Variants in KCNMA1 observed in about 807,000 individuals in gnomAD.
KCNMA1 encodes the protein Calcium-activated potassium channel subunit alpha-1.
Under a neutral mutation model 140.0 loss-of-function variants are expected in KCNMA1, and 29 were observed. The observed-to-expected ratio is 0.21, with a 90% CI of 0.15 to 0.28. KCNMA1 has a LOEUF of 0.28. KCNMA1 is among the 10% of genes least tolerant of loss of function. The probability of loss-of-function intolerance (pLI) is 1.00; values close to 1 mark genes in which losing one functional copy is unlikely to be tolerated. For missense variants in KCNMA1, 880 were observed against 1,602.2 expected, an observed-to-expected ratio of 0.55 and a Z score of 7.70; for synonymous variants, 612 against 611.9, an observed-to-expected ratio of 1.00 and a Z score of 0.00.
At position 77,574,055 on chromosome 10, in the gene KCNMA1, C is replaced by T. The variant is rs867830998; in HGVS notation, c.378+63210G>A. Among the ~76,000 whole-genome samples the T allele has an allele frequency of 5.3e-5, 8 of 151,992 alleles. No homozygotes were observed. The Middle Eastern group carries it at 0.014, about 258-fold the overall frequency. On this transcript the variant is annotated intron_variant, in intron 1 of 27. Transcript: ENST00000286628. ...TTCACCATGTTGGCCAGGCTGGTCTCGAACTCCTGGCCTGAAGCGATCCAC... is the reference window on the plus strand; with the variant it reads ...TTCACCATGTTGGCCAGGCTGGTCTTGAACTCCTGGCCTGAAGCGATCCAC...
chr10:77,150,287 C>T (rs1164559007), intron 5 of KCNMA1, among the ~76,000 whole-genome samples: 1 of 152,172 alleles, frequency 6.6e-6, no homozygotes, highest in East Asian at 1.9e-4. Context: ...TAGGCCAGCC[C>T]TGTCTTCCTT....
intron 5 of KCNMA1, among the ~76,000 whole-genome samples, chr10:77,175,078 G>C (rs1176558628): frequency 6.6e-6 from 1 of 152,124 alleles, no homozygotes; most frequent in Non-Finnish European, 1.5e-5. Flanking sequence ...TTAAAACACA[G>C]ACTGCTGGCT....
chr10:76,980,783 A>G (rs1245083761), intron 19 of KCNMA1, among the ~76,000 whole-genome samples: 1 of 152,158 alleles, frequency 6.6e-6, no homozygotes, highest in African/African-American at 2.4e-5. Flanking sequence ...CAAGTGTACC[A>G]TCCCCGAAAT....
At chr10:77,379,193 G>A (rs1413140987) in intron 2 of KCNMA1, among the ~76,000 whole-genome samples, 1 of 152,158 alleles carries the variant, frequency 6.6e-6, no homozygotes, top group East Asian at 1.9e-4. Flanking sequence ...CCTGCTTGAC[G>A]GAATTCTGAG....
intron 1 of KCNMA1, among the ~76,000 whole-genome samples, chr10:77,628,655 A>C (rs1057497729): frequency 1.5e-4 from 23 of 152,126 alleles, no homozygotes; most frequent in African/African-American, 5.6e-4. Flanking sequence ...ATCTCAAAAA[A>C]AAAAAAAAAT....
chr10:77,342,839 G>A (rs934365734), intron 2 of KCNMA1, among the ~76,000 whole-genome samples: 3 of 152,120 alleles, frequency 2.0e-5, no homozygotes, highest in African/African-American at 7.2e-5. Context: ...GAGCAGAGCC[G>A]AGCCCCATCA....
rs534790524 is a variant in KCNMA1, at chr10:76,901,233, A to T, written c.3147+8733T>A. On this transcript the variant is annotated intron_variant, in intron 25 of 27. Transcript: ENST00000286628. ...TTAGAAGGAAAGACACCAAAATATT[A>T]ACCATGCTTATCCTTGGTGTTGGAA... The T allele has an allele frequency of 3.3e-5, 5 of 152,292 alleles. No individual in the cohort carries two copies. The South Asian group carries it at 1.0e-3, about 32-fold the overall frequency. The allele number at this position is 152,292 out of a possible 1,614,324, so 9.4% of individuals were successfully genotyped here. A position where few individuals can be genotyped will look rare whatever the true frequency, so the allele number is the denominator to read the frequency against.
At chr10:77,098,554 T>C (rs2096999569) in intron 9 of KCNMA1, among the ~76,000 whole-genome samples, 1 of 151,000 alleles carries the variant, frequency 6.6e-6, no homozygotes, top group South Asian at 2.1e-4. Flanking sequence ...TTCATTGGAA[T>C]CTCTAAGGTA....
intron 23 of KCNMA1, among the ~76,000 whole-genome samples, chr10:76,934,104 C>T (rs11001937): frequency 0.031 from 4,766 of 152,156 alleles, 248 homozygotes; most frequent in African/African-American, 0.11. Flanking sequence ...TCTGGAGTAG[C>T]TGGGTCTACA....
intron 3 of KCNMA1, among the ~76,000 whole-genome samples, chr10:77,245,058 T>TG: frequency 6.6e-6 from 1 of 151,194 alleles, no homozygotes; most frequent in Non-Finnish European, 1.5e-5. Flanking sequence ...TGGAGAAAAC[T>TG]GGGGGGAGTA....
chr10:77,287,955 C>T (rs1349219950), intron 2 of KCNMA1, among the ~76,000 whole-genome samples: 3 of 152,228 alleles, frequency 2.0e-5, no homozygotes, highest in African/African-American at 7.2e-5. Context: ...CAGAGAAAAA[C>T]AAGTTGACCC....
intron 14 of KCNMA1, among the ~76,000 whole-genome samples, chr10:77,049,893 C>T (rs145788964): frequency 6.4e-4 from 98 of 152,302 alleles, no homozygotes; most frequent in African/African-American, 2.2e-3. Context: ...TTTTTCATTA[C>T]AGAACATCTT....
intron 1 of KCNMA1, among the ~76,000 whole-genome samples, chr10:77,495,310 T>C (rs1018558552): frequency 2.6e-5 from 4 of 152,218 alleles, no homozygotes; most frequent in African/African-American, 9.6e-5. Context: ...TGCACTGCTC[T>C]GTGATGGGCC....
At chr10:77,376,948 A>ATACATACATACATACATAC (rs2095152762) in intron 2 of KCNMA1, among the ~76,000 whole-genome samples, 40 of 148,430 alleles carry the variant, frequency 2.7e-4, no homozygotes, top group African/African-American at 8.3e-4. Flanking sequence ...AAAATAAATA[A>ATACATACATACATACATAC]ATACATACAT....
chr10:77,323,063 G>A (rs114943702), intron 2 of KCNMA1, among the ~76,000 whole-genome samples: 126 of 152,286 alleles, frequency 8.3e-4, no homozygotes, highest in African/African-American at 2.9e-3. Flanking sequence ...TGTTCCTCAT[G>A]TCAACTCTTT....
chr10:76,979,812 T>G (rs2078865978), intron 19 of KCNMA1: 2 of 152,058 alleles, frequency 1.3e-5, no homozygotes, highest in South Asian at 4.2e-4. Flanking sequence ...TCTTTCAAAC[T>G]CAGATAAAGG....
intron 18 of KCNMA1, among the ~76,000 whole-genome samples, chr10:77,006,936 G>C (rs1303330735): frequency 6.6e-6 from 1 of 152,066 alleles, no homozygotes; most frequent in Non-Finnish European, 1.5e-5. Context: ...TTTAAAGTGA[G>C]CAATCTATAC....
At chr10:77,017,725 C>T (rs1410825849) in intron 17 of KCNMA1, among the ~76,000 whole-genome samples, 2 of 152,136 alleles carry the variant, frequency 1.3e-5, no homozygotes, top group East Asian at 3.9e-4. Flanking sequence ...CAGGCTTAAC[C>T]TAGGCAAATA....
At chr10:77,495,759 A>G (rs2154543462) in intron 1 of KCNMA1, among the ~76,000 whole-genome samples, 1 of 152,244 alleles carries the variant, frequency 6.6e-6, no homozygotes, top group East Asian at 1.9e-4. Context: ...GTCCCAGCCC[A>G]AGGGGTGGGC....
Sources: allele counts gnomAD v4.1 joint callset (sites outside exome capture counted in the v4.1 genomes callset), GRCh38; gene constraint gnomAD v4.1.1; transcripts MANE v1.5; gene names NCBI Gene and HGNC (gene_info 2026-07-23, HGNC 2026-07-21).